The following AK8 variants were observed in gnomAD, a reference collection of about 807,000 sequenced individuals.
AK8 encodes the protein ATP-AMP transphosphorylase 8.
A neutral mutation model predicts 54.6 loss-of-function variants in AK8; 44 were observed. The ratio of observed to expected loss-of-function variants is 0.81; its 90% CI spans 0.63 to 1.04. The LOEUF is 1.04. Ranked by LOEUF, AK8 falls within the 50% of genes least tolerant of loss-of-function variation. The pLI is 0.00. For missense variants in AK8, 555 were observed against 613.6 expected (o/e 0.90, Z 1.01); for synonymous variants, 239 against 245.6 (o/e 0.97, Z 0.25).
Position 132,796,770 on chromosome 9 carries a change from T to TACACAC in AK8, c.980-4001_980-3996dup, listed in dbSNP as rs10590924. On this transcript the variant is annotated intron_variant, in intron 10 of 12. Coordinates refer to ENST00000298545, the MANE Select transcript of AK8 (RefSeq NM_152572.3). ...TTAATATATACACATACATACATGC[T>TACACAC]ACACACACACACACACACACACACA... 4.4e-3 allele frequency among the ~76,000 whole-genome samples: 632 copies of TACACAC among 142,400 alleles called. 8 individuals are homozygous for TACACAC. The highest frequency in any genetic ancestry group is 8.0e-3 in the Admixed American group (115 of 14,286). The allele number at this position is 142,400 out of a possible 152,430, so 93.4% of individuals were successfully genotyped here.
chr9:132,836,432 T>C (rs571327276), intron 5 of AK8, among the ~76,000 whole-genome samples: 1 of 152,202 alleles, frequency 6.6e-6, no homozygotes, highest in Non-Finnish European at 1.5e-5. Context: ...CTTAAGTTTG[T>C]AGAACTTAAT....
chr9:132,751,604 C>T (rs1476576616), intron 11 of AK8, among the ~76,000 whole-genome samples: 4 of 151,338 alleles, frequency 2.6e-5, no homozygotes, highest in East Asian at 3.9e-4. Flanking sequence ...TGATTCCAGC[C>T]GAGAAGCCTG....
chr9:132,813,707 C>G (rs1841184377), intron 10 of AK8, among the ~76,000 whole-genome samples: 1 of 152,176 alleles, frequency 6.6e-6, no homozygotes, highest in African/African-American at 2.4e-5. Flanking sequence ...AGTCCCTTCT[C>G]TGAGGCTCCT....
intron 10 of AK8, among the ~76,000 whole-genome samples, chr9:132,813,996 G>A (rs570025875): frequency 6.6e-6 from 1 of 152,214 alleles, no homozygotes; most frequent in East Asian, 1.9e-4. Context: ...AGGATGTGGG[G>A]GCAGGAAGTG....
At chr9:132,815,592 G>A (rs569711244) in intron 9 of AK8, among the ~76,000 whole-genome samples, 3 of 152,194 alleles carry the variant, frequency 2.0e-5, no homozygotes, top group African/African-American at 2.4e-5. Flanking sequence ...AAGGTACCAC[G>A]CTGCAGTCAC....
chr9:132,859,698 G>A (rs968010908), intron 4 of AK8, among the ~76,000 whole-genome samples: 1 of 151,664 alleles, frequency 6.6e-6, no homozygotes. Flanking sequence ...CCTTTTTGTG[G>A]TGTTTATGAT....
intron 9 of AK8, among the ~76,000 whole-genome samples, chr9:132,815,815 T>C (rs1305880915): frequency 6.6e-6 from 1 of 152,248 alleles, no homozygotes; most frequent in African/African-American, 2.4e-5. Context: ...TTTCATGAAT[T>C]GTTCACTGCA....
chr9:132,739,320 T>C (rs1837258119), intron 11 of AK8, among the ~76,000 whole-genome samples: 1 of 151,344 alleles, frequency 6.6e-6, no homozygotes, highest in Admixed American at 6.6e-5. Flanking sequence ...CAGATGCCTG[T>C]AATCCCAGCT....
At chr9:132,759,195 C>CAAAAAA (rs11354456) in intron 11 of AK8, among the ~76,000 whole-genome samples, 1 of 82,766 alleles carries the variant, frequency 1.2e-5, no homozygotes. Flanking sequence ...GACCTGGTCT[C>CAAAAAA]AAAAAAAAAA....
chr9:132,740,745 C>T (rs1265531280), intron 11 of AK8, among the ~76,000 whole-genome samples: 1 of 152,154 alleles, frequency 6.6e-6, no homozygotes, highest in Non-Finnish European at 1.5e-5. Context: ...GCATCCCTCA[C>T]CTGCACGGTG....
intron 11 of AK8, among the ~76,000 whole-genome samples, chr9:132,737,323 C>T (rs149366305): frequency 3.5e-4 from 54 of 152,244 alleles, no homozygotes; most frequent in African/African-American, 9.6e-4. Flanking sequence ...ATTAATTCTA[C>T]ACAAACTATA....
intron 10 of AK8, among the ~76,000 whole-genome samples, chr9:132,811,118 T>A (rs1228377312): frequency 6.6e-6 from 1 of 152,182 alleles, no homozygotes; most frequent in African/African-American, 2.4e-5. Context: ...AATAAATACA[T>A]CTTTTGTCAC....
intron 10 of AK8, among the ~76,000 whole-genome samples, chr9:132,793,572 C>T (rs1017237959): frequency 2.6e-5 from 4 of 152,178 alleles, no homozygotes; most frequent in Admixed American, 1.3e-4. Context: ...ATGCTTAGAA[C>T]GAAGTCTCTC....
At chr9:132,867,094 C>A (rs1843630590) in intron 2 of AK8, 141 bp from the exon 3 acceptor site, 8 of 758,102 alleles carry the variant, frequency 1.1e-5, no homozygotes, top group Non-Finnish European at 1.8e-5. Context: ...CCCAGCAGCT[C>A]AGAGACACTC....
At chr9:132,851,681 C>T (rs533868100) in intron 5 of AK8, among the ~76,000 whole-genome samples, 9 of 152,318 alleles carry the variant, frequency 5.9e-5, no homozygotes, top group South Asian at 4.1e-4. Context: ...GCTGCATGGT[C>T]GGTCACTGCA....
At chr9:132,747,881 C>A (rs764541805) in intron 11 of AK8, among the ~76,000 whole-genome samples, 1 of 150,254 alleles carries the variant, frequency 6.7e-6, no homozygotes, top group African/African-American at 2.4e-5. Context: ...TTTGGGAGGC[C>A]GAGGCAGGGG....
intron 2 of AK8, among the ~76,000 whole-genome samples, chr9:132,873,579 TTG>T (rs1843951100): frequency 6.6e-6 from 1 of 152,228 alleles, no homozygotes. Context: ...CACTTTTACT[TTG>T]TGTTTCCTTT....
chr9:132,875,385 C>A, intron 1 of AK8, 186 bp from the exon 2 acceptor site: 1 of 902,802 alleles, frequency 1.1e-6, no homozygotes, highest in South Asian at 5.1e-5. Context: ...AGGGGGGCCA[C>A]GTGGTGCTGC....
chr9:132,727,618 T>C, intron 11 of AK8, 84 bp from the exon 12 acceptor site: 1 of 1,305,062 alleles, frequency 7.7e-7, no homozygotes, highest in Non-Finnish European at 1.1e-6. Context: ...TTGAGAATCC[T>C]GGAGAGACTG....
Sources: gnomAD v4.1 joint callset for allele counts (sites outside exome capture counted in the v4.1 genomes callset) on GRCh38, gnomAD v4.1.1 for gene constraint, MANE v1.5 for transcripts, NCBI Gene and HGNC (gene_info 2026-07-23, HGNC 2026-07-21) for gene names.